UPF3B: variants seen among roughly 807,000 people sequenced by gnomAD.
UPF3B encodes the protein UPF3B regulator of nonsense mediated mRNA decay.
Under a neutral mutation model 40.3 loss-of-function variants are expected in UPF3B, and 7 were observed. The observed-to-expected ratio is 0.17, with a 90% confidence interval of 0.10 to 0.33. UPF3B has a LOEUF of 0.33. Among genes scored for constraint, UPF3B ranks in the 10% least tolerant of loss-of-function variants. The pLI is 1.00. For missense variants in UPF3B, 229 were observed against 358.9 expected, an observed-to-expected ratio of 0.64 and a Z score of 2.93; for synonymous variants, 117 against 117.3, an observed-to-expected ratio of 1.00 and a Z score of 0.01.
intron 5 of UPF3B, among the ~76,000 whole-genome samples, chrX:119,811,631 T>G (rs1350581781): frequency 4.0e-5 from 3 of 75,774 alleles, no homozygotes; most frequent in African/African-American, 1.1e-4. Context: ...GGTGACAGAG[T>G]GAGACTCAGT....
chrX:119,846,048 G>T (rs372173390), intron 3 of UPF3B, among the ~76,000 whole-genome samples: 1 of 107,249 alleles, frequency 9.3e-6, no homozygotes, highest in Non-Finnish European at 1.9e-5. Flanking sequence ...AAATTATCAC[G>T]TTGGGCTGGG....
intron 3 of UPF3B, among the ~76,000 whole-genome samples, chrX:119,828,568 A>C (rs998788450): frequency 9.1e-6 from 1 of 109,706 alleles, no homozygotes; most frequent in Non-Finnish European, 1.9e-5. Context: ...GCTACTCAAG[A>C]AGCTGTGGTG....
Position 119,851,748 on chromosome X carries a change from C to CTGTTTTTTTTTTT in UPF3B, c.263+18_263+19insAAAAAAAAAAACA. ...GAAACCTTTTTCATTTACCCCTTTCCTTTTTTTTTTTTTTTTACCTCGTAT... is the reference window on the plus strand; with the variant it reads ...GAAACCTTTTTCATTTACCCCTTTCCTGTTTTTTTTTTTTTTTTTTTTTTTTTTTACCTCGTAT... On this transcript the variant is annotated intron_variant, in intron 2 of 10. Transcript: ENST00000276201. The CTGTTTTTTTTTTT allele has an allele frequency of 3.5e-6, 2 of 565,645 alleles. No homozygotes were observed. Among genetic ancestry groups the CTGTTTTTTTTTTT allele is most frequent in the Non-Finnish European group, 4.9e-6 (2 of 411,754 alleles). The allele number at this position is 565,645 out of a possible 1,213,427, so 46.6% of individuals were successfully genotyped here.
chrX:119,822,467 T>C (rs1182688220), intron 4 of UPF3B, among the ~76,000 whole-genome samples: 1 of 113,028 alleles, frequency 8.8e-6, no homozygotes, highest in African/African-American at 3.2e-5. Flanking sequence ...ATGCATGTCC[T>C]CGCCATCAGC....
At chrX:119,841,689 C>T in intron 6 of UPF3B, 46 bp downstream of exon 6, 1 of 1,124,913 alleles carries the variant, frequency 8.9e-7, no homozygotes. Flanking sequence ...GAATGCAAAG[C>T]AAAGAAATTA....
chrX:119,822,227 C>T (rs1228448873), intron 4 of UPF3B, among the ~76,000 whole-genome samples: 1 of 112,686 alleles, frequency 8.9e-6, no homozygotes, highest in Non-Finnish European at 1.9e-5. Context: ...CTTCCCTGTA[C>T]TTATAGACAA....
intron 5 of UPF3B, among the ~76,000 whole-genome samples, chrX:119,814,101 CTT>C (rs1461802351): frequency 7.8e-4 from 87 of 111,995 alleles, no homozygotes; most frequent in African/African-American, 2.6e-3. Flanking sequence ...ACTCACTACA[CTT>C]AACTTCATAC....
rs2056188228 is a variant in UPF3B, at chrX:119,843,287, T to G, written c.484A>C (p.Lys162Gln). The G allele has an allele frequency of 8.5e-7, 1 of 1,169,606 alleles. No individual in the cohort carries two copies. Among genetic ancestry groups the G allele is most frequent in the Non-Finnish European group, 1.2e-6 (1 of 858,608 alleles). Residue 162 changes from lysine (K) to glutamine (Q), a missense_variant, in exon 5 of 11, where the codon AAG becomes CAG. Physicochemically the swap from Lys to Gln is moderately conservative, Grantham distance 53. Coordinates refer to ENST00000276201, the MANE Select transcript of UPF3B (RefSeq NM_080632.3). Reference sequence around the variant, plus strand: ...TCTGTGGCATAACTTTCCAAAAACTTTCTATATTCTGGATCTAAATAATCA... The same window carrying G: ...TCTGTGGCATAACTTTCCAAAAACTGTCTATATTCTGGATCTAAATAATCA... ...GTIDDDPEYR[K>Q]FLESYATDNE... is the part of the protein sequence containing the mutation.
chrX:119,842,640 C>A (rs868119637), intron 5 of UPF3B, among the ~76,000 whole-genome samples: 11 of 76,969 alleles, frequency 1.4e-4, no homozygotes, highest in African/African-American at 5.9e-4. Flanking sequence ...AGAGAGAGAG[C>A]GAGCGAGCAA....
At chrX:119,841,910 A>C (rs1157979370) in intron 5 of UPF3B, 132 bp from the exon 6 acceptor site, 1 of 509,679 alleles carries the variant, frequency 2.0e-6, no homozygotes, top group Non-Finnish European at 3.4e-6. Flanking sequence ...TCACAATTGT[A>C]ATATCAGAAA....
chrX:119,837,666 A>T, intron 10 of UPF3B, 91 bp downstream of exon 10: 1 of 979,976 alleles, frequency 1.0e-6, no homozygotes, highest in Non-Finnish European at 1.4e-6. Flanking sequence ...CCCTTTAAAA[A>T]TTCTATAATA....
chrX:119,839,072 C>T (rs758368751), intron 8 of UPF3B, among the ~76,000 whole-genome samples: 4 of 111,950 alleles, frequency 3.6e-5, no homozygotes, highest in East Asian at 2.8e-4. Flanking sequence ...CCACTGTGCC[C>T]GGCTTCCTTT....
rs1569459617 is a variant in UPF3B, at chrX:119,823,556, C to CTTTTTT, written c.393-514_393-513insAAAAAA. On this transcript the variant is annotated intron_variant, in intron 3 of 6. Transcript: ENST00000636792. ...CTGGCCCATTTCTTTTCTTTTTTTCCTCTTTTTTTTTTTTTTTTTTTGTCT... is the reference window on the plus strand; with the variant it reads ...CTGGCCCATTTCTTTTCTTTTTTTCCTTTTTTTCTTTTTTTTTTTTTTTTTTTGTCT... Among the ~76,000 whole-genome samples the CTTTTTT allele has an allele frequency of 1.9e-4, 8 of 42,085 alleles. 2 individuals carry two copies. Among genetic ancestry groups the CTTTTTT allele is most frequent in the Non-Finnish European group, 2.3e-4 (7 of 30,542 alleles). 36.5% of individuals were successfully genotyped at this position (42,085 alleles called of 115,157 possible).
chrX:119,838,346 A>C, intron 9 of UPF3B, 21 bp downstream of exon 9: 1 of 1,209,508 alleles, frequency 8.3e-7, no homozygotes, highest in African/African-American at 1.7e-5. Context: ...CAAACATAAC[A>C]AAGAGTCCTT....
chrX:119,830,741 C>CAAA (rs1212201382), downstream of UPF3B, among the ~76,000 whole-genome samples: 1,064 of 82,610 alleles, frequency 0.013, 15 homozygotes, highest in African/African-American at 0.044. Context: ...TACTGTGTCT[C>CAAA]AAAAAAAAAA....
intron 3 of UPF3B, 53 bp downstream of exon 3, chrX:119,851,442 A>T: frequency 1.1e-6 from 1 of 929,449 alleles, no homozygotes; most frequent in African/African-American, 1.9e-5. Flanking sequence ...GAGTTGTCTT[A>T]AACATACAAA....
chrX:119,814,859 C>CTTTTTTTTTTTTTTTT (rs140201169), intron 5 of UPF3B, among the ~76,000 whole-genome samples: 1 of 46,263 alleles, frequency 2.2e-5, no homozygotes, highest in Non-Finnish European at 3.8e-5. Context: ...TTCTTTCTTT[C>CTTTTTTTTTTTTTTTT]TTTTTTTTTT....
chrX:119,852,723 G>A, intron 1 of UPF3B, 50 bp downstream of exon 1: 1 of 1,209,673 alleles, frequency 8.3e-7, no homozygotes, highest in Non-Finnish European at 1.1e-6. Context: ...CATCCTCCCC[G>A]CGCTGCGGAC....
chrX:119,829,890 C>T (rs2056019472), downstream of UPF3B, among the ~76,000 whole-genome samples: 1 of 111,664 alleles, frequency 9.0e-6, no homozygotes, highest in Non-Finnish European at 1.9e-5. Context: ...TTCATTAGTT[C>T]ACTAATGAAA....
Sources: allele counts gnomAD v4.1 joint callset (sites outside exome capture counted in the v4.1 genomes callset), GRCh38; gene constraint gnomAD v4.1.1; transcripts MANE v1.5; gene names NCBI Gene and HGNC (gene_info 2026-07-23, HGNC 2026-07-21).